NTM: variants seen among roughly 807,000 people sequenced by gnomAD.
NTM encodes IgLON family member 2.
A neutral mutation model predicts 42.1 loss-of-function variants in NTM; 13 were observed. The ratio of observed to expected loss-of-function variants is 0.31; its 90% CI spans 0.20 to 0.49. The LOEUF is 0.49. Ranked by LOEUF, NTM falls within the 20% of genes least tolerant of loss-of-function variation. NTM has a pLI of 0.99. For synonymous variants in NTM, 187 were observed against 179.2 expected (o/e 1.04, Z -0.35); for missense variants, 373 against 452.8 (o/e 0.82, Z 1.60).
intron 3 of NTM, among the ~76,000 whole-genome samples, chr11:132,208,611 G>A (rs368178079): frequency 1.3e-5 from 2 of 152,126 alleles, no homozygotes; most frequent in Non-Finnish European, 2.9e-5. Context: ...ACCACCTTCT[G>A]TCCTGCTTGG....
chr11:131,818,205 T>A (rs1351205920), intron 1 of NTM, among the ~76,000 whole-genome samples: 1 of 151,480 alleles, frequency 6.6e-6, no homozygotes, highest in Non-Finnish European at 1.5e-5. Context: ...AAATTGCTCG[T>A]TCAGTCCTGT....
intron 1 of NTM, among the ~76,000 whole-genome samples, chr11:131,456,967 G>A (rs1950957413): frequency 6.6e-6 from 1 of 152,166 alleles, no homozygotes; most frequent in Non-Finnish European, 1.5e-5. Flanking sequence ...GATGACGGAG[G>A]TCCAGCATCA....
At chr11:131,410,428 GTGAGCTA>G (rs1946255402) in intron 1 of NTM, among the ~76,000 whole-genome samples, 1 of 149,192 alleles carries the variant, frequency 6.7e-6, no homozygotes, top group African/African-American at 2.5e-5. Context: ...TGAGGTTGTA[GTGAGCTA>G]TGAGCTGTGA....
intron 1 of NTM, among the ~76,000 whole-genome samples, chr11:131,580,600 C>A (rs1485744293): frequency 1.3e-5 from 2 of 152,134 alleles, no homozygotes; most frequent in East Asian, 3.9e-4. Flanking sequence ...AGTGACCTGA[C>A]AGATGGAGAG....
intron 2 of NTM, among the ~76,000 whole-genome samples, chr11:131,915,307 T>TA (rs917792246): frequency 2.0e-5 from 3 of 152,174 alleles, no homozygotes; most frequent in African/African-American, 7.2e-5. Flanking sequence ...CTGTGGCACT[T>TA]AATGTCTTCC....
intron 1 of NTM, among the ~76,000 whole-genome samples, chr11:131,764,470 G>A (rs896326789): frequency 6.6e-6 from 1 of 152,124 alleles, no homozygotes; most frequent in African/African-American, 2.4e-5. Context: ...AGCAGCTGTC[G>A]AACTGTTGGA....
intron 2 of NTM, among the ~76,000 whole-genome samples, chr11:131,915,145 G>C (rs529441581): frequency 6.6e-6 from 1 of 152,116 alleles, no homozygotes; most frequent in African/African-American, 2.4e-5. Flanking sequence ...AATTATTCCC[G>C]GTTAAGGCCT....
intron 2 of NTM, among the ~76,000 whole-genome samples, chr11:132,116,943 G>A (rs552192807): frequency 7.9e-5 from 12 of 151,906 alleles, no homozygotes; most frequent in African/African-American, 2.9e-4. Context: ...AAAGTAAGGG[G>A]GAAACTATCC....
intron 1 of NTM, among the ~76,000 whole-genome samples, chr11:131,493,850 A>G (rs186201439): frequency 2.6e-4 from 40 of 152,320 alleles, no homozygotes. Context: ...AGAACTCACT[A>G]TCATGTTCAC....
chr11:132,118,278 G>A (rs1332463947), intron 2 of NTM, among the ~76,000 whole-genome samples: 4 of 152,116 alleles, frequency 2.6e-5, no homozygotes, highest in Admixed American at 1.3e-4. Context: ...ACCAGTGGCT[G>A]CAATCAATGC....
At chr11:131,979,322 C>T (rs1292067885) in intron 2 of NTM, among the ~76,000 whole-genome samples, 2 of 152,080 alleles carry the variant, frequency 1.3e-5, no homozygotes, top group African/African-American at 4.8e-5. Context: ...TAAAGCTGTC[C>T]AATTTTTAGA....
At chr11:131,871,844 A>G (rs1422124072) in intron 1 of NTM, among the ~76,000 whole-genome samples, 2 of 152,060 alleles carry the variant, frequency 1.3e-5, no homozygotes, top group African/African-American at 4.8e-5. Flanking sequence ...CTTTGTCATC[A>G]GGTACTGTGT....
At chr11:132,125,382 G>A (rs11222950) in intron 2 of NTM, among the ~76,000 whole-genome samples, 20,802 of 81,374 alleles carry the variant, frequency 0.26, 1,512 homozygotes, top group Middle Eastern at 0.36. Flanking sequence ...GTGTGTGGTG[G>A]TGTATGTGGT....
At chr11:131,467,316 G>A (rs936767512) in intron 1 of NTM, among the ~76,000 whole-genome samples, 9 of 152,124 alleles carry the variant, frequency 5.9e-5, no homozygotes, top group Admixed American at 3.9e-4. Context: ...GCATTTCCAC[G>A]GGAGATGAGT....
At chr11:131,865,385 C>T (rs2137004887) in intron 1 of NTM, among the ~76,000 whole-genome samples, 1 of 152,300 alleles carries the variant, frequency 6.6e-6, no homozygotes, top group South Asian at 2.1e-4. Context: ...CAGAAGACCC[C>T]TGAATGTGTT....
rs1463424132 is a variant in NTM at position 131,789,474 on chromosome 11, AG to A, written c.83-122089del. ...AAGAAGAAGAAGAAGAAGAAGAAGA[AG>A]AAGAAGAAGAAGAAGAGGAAAGAAG... On this transcript the variant is annotated intron_variant, in intron 1 of 8. Transcript: ENST00000683400. Among the ~76,000 whole-genome samples the A allele has an allele frequency of 1.5e-4, 2 of 13,604 alleles. 1 individual carries two copies. Among genetic ancestry groups the A allele is most frequent in the African/African-American group, 5.5e-4 (2 of 3,662 alleles). The allele number at this position is 13,604 out of a possible 152,430, so 8.9% of individuals were successfully genotyped here.
chr11:131,388,749 T>C lies in NTM; in HGVS notation c.82+17861T>C, dbSNP rs1393136752. ...GTGGTTGGCCTGGAGTGGTGGCTCC[T>C]GCCTGTAATCCCAGCACTTCGGGAG... On this transcript the variant is annotated intron_variant, in intron 1 of 8. Coordinates refer to ENST00000683400, the MANE Select transcript of NTM (RefSeq NM_001352005.2). 4.0e-5 allele frequency among the ~76,000 whole-genome samples: 6 copies of C among 151,834 alleles called. No homozygotes were observed. The East Asian group carries it at 1.2e-3, about 29-fold the overall frequency.
Position 132,212,050 on chromosome 11 carries a change from A to G in NTM, c.429A>G (p.Ser143=), listed in dbSNP as rs143759596. The G allele has an allele frequency of 1.9e-5, 30 of 1,611,862 alleles. No individual in the cohort carries two copies. The African/African-American group carries it at 2.8e-4, about 15-fold the overall frequency. The change falls in exon 4 of 9, where the codon TCA becomes TCG. Residue 143 remains serine (S), a synonymous_variant. Coordinates refer to ENST00000683400, the MANE Select transcript of NTM (RefSeq NM_001352005.2). ...CTCCCAAAATTGTAGAGATTTCTTC[A>G]GATATCTCCATTAATGAAGGGAACA... is the stretch of plus-strand genomic sequence containing the variant. ...QVSPKIVEIS[S]DISINEGNNI... is the part of the protein sequence containing the mutation.
At chr11:131,959,623 G>A (rs186298662) in intron 2 of NTM, among the ~76,000 whole-genome samples, 67 of 152,290 alleles carry the variant, frequency 4.4e-4, no homozygotes, top group Middle Eastern at 3.4e-3. Context: ...GTGACAGAGT[G>A]TCTAAAACAA....
Sources: gnomAD v4.1 joint callset for allele counts (sites outside exome capture counted in the v4.1 genomes callset) on GRCh38, gnomAD v4.1.1 for gene constraint, MANE v1.5 for transcripts, NCBI Gene and HGNC (gene_info 2026-07-23, HGNC 2026-07-21) for gene names.